Variants in SRGAP2C observed in about 807,000 individuals in gnomAD.
SRGAP2C encodes SLIT-ROBO Rho GTPase activating protein 2C, also known as SLIT-ROBO Rho GTPase-activating protein 2C.
Under a neutral mutation model 25.1 loss-of-function variants are expected in SRGAP2C, and 15 were observed. The observed-to-expected ratio is 0.60, with a 90% CI of 0.40 to 0.92. The LOEUF (loss-of-function observed/expected upper bound fraction) is 0.92. Ranked by LOEUF, SRGAP2C falls within the 40% of genes least tolerant of loss-of-function variation. SRGAP2C has a pLI of 0.00. For synonymous variants in SRGAP2C, 44 were observed against 96.6 expected (o/e 0.46, Z 3.19); for missense variants, 144 against 264.4 (o/e 0.54, Z 3.16).
chr1:121,315,225 C>T (rs1308188800), intron 3 of SRGAP2C, among the ~76,000 whole-genome samples: 1 of 151,518 alleles, frequency 6.6e-6, no homozygotes, highest in East Asian at 2.0e-4. Context: ...TGCACTATGG[C>T]CTGAAGCTCC....
At chr1:121,357,360 G>A (rs1553347831) in intron 4 of SRGAP2C, among the ~76,000 whole-genome samples, 199 of 131,114 alleles carry the variant, frequency 1.5e-3, no homozygotes, top group African/African-American at 1.3e-3. Flanking sequence ...GCCCACAGTC[G>A]AACCATATCC....
At chr1:121,299,561 G>A (rs1472669706) in intron 3 of SRGAP2C, among the ~76,000 whole-genome samples, 2 of 74,274 alleles carry the variant, frequency 2.7e-5, no homozygotes, top group East Asian at 6.1e-4. Flanking sequence ...AAAATGAATC[G>A]GAACAAACTA....
rs1196199123 is a variant in SRGAP2C at position 121,233,145 on chromosome 1, CTTTTTT to C, written c.67+45646_67+45651del. Among the ~76,000 whole-genome samples the C allele has an allele frequency of 3.0e-3, 351 of 117,830 alleles. No homozygotes were observed. In the Middle Eastern group the frequency reaches 0.044, roughly 15 times the overall value. 77.3% of individuals were successfully genotyped at this position (117,830 alleles called of 152,430 possible). On this transcript the variant is annotated intron_variant, in intron 2 of 9. Transcript: ENST00000367123. ...GGCAAGAGGGATCTCCCCCTTGGTT[CTTTTTT>C]TTTTTTTTTTTTTGAGACAGAGTCT...
chr1:121,211,398 G>C (rs1345854150), intron 2 of SRGAP2C, among the ~76,000 whole-genome samples: 3 of 133,992 alleles, frequency 2.2e-5, no homozygotes, highest in African/African-American at 8.3e-5. Context: ...TGTTGAGAGA[G>C]AGATATATAT....
chr1:121,340,743 T>A (rs2101624537), intron 4 of SRGAP2C, among the ~76,000 whole-genome samples: 1 of 151,812 alleles, frequency 6.6e-6, no homozygotes, highest in Non-Finnish European at 1.5e-5. Flanking sequence ...CTGCCAGGAT[T>A]CTCAATTAGC....
chr1:121,354,403 T>C (rs1221421621), intron 4 of SRGAP2C, among the ~76,000 whole-genome samples: 21 of 63,566 alleles, frequency 3.3e-4, no homozygotes, highest in African/African-American at 1.1e-3. Context: ...TTTCTTTTTT[T>C]TTTTTTTTTT....
In SRGAP2C at chr1:121,195,712, G is replaced by C. The variant is rs587704770; in HGVS notation, c.67+8199G>C. On this transcript the variant is annotated intron_variant, in intron 2 of 9. Transcript: ENST00000367123. ...TTTAAGAGGACTGGAAGCCTAACTT[G>C]ACTGCTTACCATTCTTTAAACACAT... Among the ~76,000 whole-genome samples the C allele has an allele frequency of 2.7e-5, 4 of 149,778 alleles. No homozygotes were observed. The East Asian group carries it at 7.9e-4, about 30-fold the overall frequency.
rs1170272009 is a variant in SRGAP2C, at chr1:121,388,405, GA to G, written c.*551del. 5 of 47,034 alleles carry G rather than the reference GA, an allele frequency of 1.1e-4. 1 individual carries two copies. Among genetic ancestry groups the G allele is most frequent in the Non-Finnish European group, 1.9e-4 (5 of 25,878 alleles). The allele number at this position is 47,034 out of a possible 1,614,324, so 2.9% of individuals were successfully genotyped here. On this transcript the variant is annotated 3_prime_UTR_variant, in exon 10 of 10. Transcript: ENST00000367123. ...TCTCTAGTCTTCTTTTAGACAGTTG[GA>G]CCCTTTTTTCTTTTTCTTTTTTTTT...
chr1:121,222,248 A>G (rs1357694159), intron 2 of SRGAP2C, among the ~76,000 whole-genome samples: 3 of 152,112 alleles, frequency 2.0e-5, no homozygotes, highest in Non-Finnish European at 2.9e-5. Context: ...GTCTGCCTCT[A>G]AAGCCTATGC....
At chr1:121,190,534 G>A in intron 2 of SRGAP2C, among the ~76,000 whole-genome samples, 1 of 106,298 alleles carries the variant, frequency 9.4e-6, no homozygotes, top group South Asian at 3.8e-4. Flanking sequence ...TAATGGTACG[G>A]TCTACTTCTC....
At chr1:121,218,587 A>T (rs1474992843) in intron 2 of SRGAP2C, among the ~76,000 whole-genome samples, 2 of 146,168 alleles carry the variant, frequency 1.4e-5, no homozygotes, top group Non-Finnish European at 3.0e-5. Context: ...TAAAAAAAAA[A>T]AAATACAAAA....
intron 2 of SRGAP2C, among the ~76,000 whole-genome samples, chr1:121,201,806 C>T (rs184407135): frequency 1.3e-5 from 2 of 152,144 alleles, no homozygotes; most frequent in Non-Finnish European, 2.9e-5. Flanking sequence ...TATCCGATAA[C>T]GTTAGGAGCA....
chr1:121,372,085 G>C (rs1553351323), intron 5 of SRGAP2C, among the ~76,000 whole-genome samples: 2 of 151,472 alleles, frequency 1.3e-5, no homozygotes, highest in Admixed American at 6.6e-5. Flanking sequence ...GTATTATCCT[G>C]GTAAAATTTA....
At chr1:121,370,269 ATTTAAC>A (rs1659445378) in intron 5 of SRGAP2C, among the ~76,000 whole-genome samples, 1 of 118,608 alleles carries the variant, frequency 8.4e-6, no homozygotes, top group South Asian at 2.7e-4. Flanking sequence ...CCATCTCAAA[ATTTAAC>A]ATAGACTTCA....
At chr1:121,255,280 G>T (rs1311227794) in intron 2 of SRGAP2C, among the ~76,000 whole-genome samples, 2 of 151,074 alleles carry the variant, frequency 1.3e-5, no homozygotes, top group African/African-American at 4.9e-5. Context: ...ATCCGTCTGT[G>T]GGTGGTCACT....
intron 2 of SRGAP2C, among the ~76,000 whole-genome samples, chr1:121,236,704 G>T (rs1252652776): frequency 6.6e-6 from 1 of 150,526 alleles, no homozygotes; most frequent in East Asian, 2.0e-4. Flanking sequence ...CGTCAGGTTG[G>T]TGTCAGCCCA....
chr1:121,277,261 A>G (rs1657126994), intron 2 of SRGAP2C, among the ~76,000 whole-genome samples: 1 of 150,910 alleles, frequency 6.6e-6, no homozygotes, highest in Non-Finnish European at 1.5e-5. Context: ...TATTTGGATC[A>G]TGTCTTCACA....
chr1:121,264,798 T>C (rs1285326789), intron 2 of SRGAP2C, among the ~76,000 whole-genome samples: 1 of 128,598 alleles, frequency 7.8e-6, no homozygotes, highest in African/African-American at 2.9e-5. Flanking sequence ...TCTTCTCTGG[T>C]AGACTAGATT....
At chr1:121,191,771 C>T (rs1450514868) in intron 2 of SRGAP2C, among the ~76,000 whole-genome samples, 1 of 150,342 alleles carries the variant, frequency 6.7e-6, no homozygotes, top group Non-Finnish European at 1.5e-5. Flanking sequence ...TGAGTTTTTA[C>T]AGTCTCCCAG....
Sources: gnomAD v4.1 joint callset for allele counts (sites outside exome capture counted in the v4.1 genomes callset) on GRCh38, gnomAD v4.1.1 for gene constraint, MANE v1.5 for transcripts, NCBI Gene and HGNC (gene_info 2026-07-23, HGNC 2026-07-21) for gene names.